SMAD2: variants seen among roughly 807,000 people sequenced by gnomAD.
SMAD2 encodes MAD homolog 2.
A neutral mutation model predicts 64.4 loss-of-function variants in SMAD2; 8 were observed. The ratio of observed to expected loss-of-function variants is 0.12; its 90% CI spans 0.07 to 0.22. The LOEUF is 0.22. Among genes scored for constraint, SMAD2 ranks in the 10% least tolerant of loss-of-function variants. SMAD2 has a pLI of 1.00. For synonymous variants in SMAD2, 203 were observed against 195.8 expected (o/e 1.04, Z -0.31); for missense variants, 289 against 561.2 (o/e 0.51, Z 4.90).
chr18:47,905,650 A>G (rs1468810792), intron 1 of SMAD2, among the ~76,000 whole-genome samples: 2 of 152,230 alleles, frequency 1.3e-5, no homozygotes, highest in Non-Finnish European at 2.9e-5. Flanking sequence ...TTTTCCAGTA[A>G]GGCCCAAGGT....
intron 10 of SMAD2, among the ~76,000 whole-genome samples, chr18:47,844,362 A>G (rs964514943): frequency 6.6e-6 from 1 of 152,210 alleles, no homozygotes; most frequent in African/African-American, 2.4e-5. Context: ...TATTACATGA[A>G]TATTTCTTAA....
chr18:47,823,855 A>C lies in SMAD2; in HGVS notation c.*17972T>G, dbSNP rs1355558449. 6.6e-6 allele frequency: 1 copy of C among 152,116 alleles called. No homozygotes were observed. Among genetic ancestry groups the C allele is most frequent in the Non-Finnish European group, 1.5e-5 (1 of 68,020 alleles). 9.4% of individuals were successfully genotyped at this position (152,116 alleles called of 1,614,324 possible). ...AAACTTTGTATCTGTTATTTGCCAAATTTTCTGCAGAAAGAAGTACAATTC... is the reference window on the plus strand; with the variant it reads ...AAACTTTGTATCTGTTATTTGCCAACTTTTCTGCAGAAAGAAGTACAATTC... On this transcript the variant is annotated 3_prime_UTR_variant, in exon 11 of 11. Transcript: ENST00000262160.
intron 6 of SMAD2, among the ~76,000 whole-genome samples, chr18:47,851,776 A>G (rs991976146): frequency 1.3e-5 from 2 of 152,122 alleles, no homozygotes; most frequent in African/African-American, 4.8e-5. Flanking sequence ...TAACATCGCG[A>G]TCCCACATTG....
At chr18:47,887,568 A>G (rs2032976508) in intron 2 of SMAD2, among the ~76,000 whole-genome samples, 1 of 152,120 alleles carries the variant, frequency 6.6e-6, no homozygotes. Context: ...TGGCCTCTTG[A>G]TCCTTTCAAG....
chr18:47,902,576 T>C (rs1045549171), intron 1 of SMAD2, among the ~76,000 whole-genome samples: 6 of 152,152 alleles, frequency 3.9e-5, no homozygotes, highest in Non-Finnish European at 7.4e-5. Flanking sequence ...AAATCAACCA[T>C]TATGAAACAA....
At chr18:47,921,348 C>A (rs964938844) in intron 1 of SMAD2, among the ~76,000 whole-genome samples, 7 of 152,182 alleles carry the variant, frequency 4.6e-5, no homozygotes, top group African/African-American at 1.7e-4. Context: ...GAACACCACA[C>A]AAAAACCTAG....
Position 47,835,339 on chromosome 18 carries a change from A to C in SMAD2, c.*6488T>G, listed in dbSNP as rs184844500. On this transcript the variant is annotated 3_prime_UTR_variant, in exon 11 of 11. Transcript: ENST00000262160. ...TGAATTATTTCTCACAATTTTAATT[A>C]ATCTGTGTGTATATTAGTTATATAA... 172 of 204,330 alleles carry C rather than the reference A, an allele frequency of 8.4e-4. No homozygotes were observed. The highest frequency in any genetic ancestry group is 3.7e-3 in the African/African-American group (162 of 43,832). 12.7% of individuals were successfully genotyped at this position (204,330 alleles called of 1,614,324 possible).
intron 2 of SMAD2, among the ~76,000 whole-genome samples, chr18:47,885,160 C>T (rs1043797490): frequency 4.1e-5 from 6 of 147,338 alleles, no homozygotes; most frequent in African/African-American, 1.0e-4. Context: ...CACACACACA[C>T]ACACACACAC....
chr18:47,845,874 G>A, intron 8 of SMAD2, 74 bp from the exon 9 acceptor site: 1 of 1,363,314 alleles, frequency 7.3e-7, no homozygotes, highest in African/African-American at 1.4e-5. Context: ...CATTTTCTTG[G>A]AAAAATTCTA....
chr18:47,883,120 A>T (rs1286105145), intron 2 of SMAD2, among the ~76,000 whole-genome samples: 1 of 152,040 alleles, frequency 6.6e-6, no homozygotes, highest in Non-Finnish European at 1.5e-5. Context: ...TTATCTTTTT[A>T]GGTAACTTTC....
rs1287108606 is a variant in SMAD2 at position 47,809,985 on chromosome 18, G to C, written c.*31842C>G. On this transcript the variant is annotated 3_prime_UTR_variant, in exon 11 of 11. Coordinates refer to ENST00000262160, the MANE Select transcript of SMAD2 (RefSeq NM_005901.6). ...CCCATTTGCCAAAAGCCATCCCAAA[G>C]AGGGCTGATATCGTCTGTTAAATGC... 6.6e-6 allele frequency: 1 copy of C among 152,178 alleles called. No homozygotes were observed. Among genetic ancestry groups the C allele is most frequent in the East Asian group, 1.9e-4 (1 of 5,182 alleles). 9.4% of individuals were successfully genotyped at this position (152,178 alleles called of 1,614,324 possible).
At chr18:47,903,876 T>TGTG (rs1187503991) in intron 1 of SMAD2, among the ~76,000 whole-genome samples, 769 of 49,022 alleles carry the variant, frequency 0.016, 31 homozygotes, top group African/African-American at 0.042. Flanking sequence ...AAAAACAGTG[T>TGTG]GGGGGGGGGG....
At chr18:47,872,989 G>A (rs1598810735) in intron 2 of SMAD2, among the ~76,000 whole-genome samples, 1 of 151,650 alleles carries the variant, frequency 6.6e-6, no homozygotes, top group East Asian at 2.0e-4. Context: ...AGCCTCCTGA[G>A]TAGCTGGGAC....
At position 47,836,124 on chromosome 18, in the gene SMAD2, T is replaced by C. The variant is rs908868657; in HGVS notation, c.*5703A>G. 1 of 218,002 alleles carries C rather than the reference T, an allele frequency of 4.6e-6. No homozygotes were observed. Among genetic ancestry groups the C allele is most frequent in the Non-Finnish European group, 9.2e-6 (1 of 108,580 alleles). The allele number at this position is 218,002 out of a possible 1,614,324, so 13.5% of individuals were successfully genotyped here. A position where few individuals can be genotyped will look rare whatever the true frequency, so the allele number is the denominator to read the frequency against. On this transcript the variant is annotated 3_prime_UTR_variant, in exon 11 of 11. Transcript: ENST00000262160. ...TGTGGGTCAAGGATGGCCCAGAGAA[T>C]CTTGGAAAATCCATTTATATTGAGC...
chr18:47,834,045 T>C lies in SMAD2; in HGVS notation c.*7782A>G, dbSNP rs1913174200. The C allele has an allele frequency of 4.5e-6, 1 of 219,798 alleles. No individual in the cohort carries two copies. 13.6% of individuals were successfully genotyped at this position (219,798 alleles called of 1,614,324 possible). On this transcript the variant is annotated 3_prime_UTR_variant, in exon 11 of 11. Transcript: ENST00000262160. The stretch of plus-strand genomic sequence containing the variant: ...AGTGTGAGTCTCACCACCATACTGG[T>C]ACCTTCAGCTATTACCTGTGTTATA...
chr18:47,930,062 T>C (rs976400227), intron 1 of SMAD2, among the ~76,000 whole-genome samples: 2 of 151,976 alleles, frequency 1.3e-5, no homozygotes, highest in South Asian at 2.1e-4. Context: ...ACAAGAGCTC[T>C]GGCCCTTCGG....
intron 3 of SMAD2, among the ~76,000 whole-genome samples, chr18:47,869,689 T>A (rs1446590160): frequency 6.6e-6 from 1 of 152,128 alleles, no homozygotes. Flanking sequence ...GCTAACAACT[T>A]GGGAAAAACT....
rs1027526309 is a variant in SMAD2, at chr18:47,814,051, C to T, written c.*27776G>A. 27 of 152,028 alleles carry T rather than the reference C, an allele frequency of 1.8e-4. No individual in the cohort carries two copies. Among genetic ancestry groups the T allele is most frequent in the African/African-American group, 6.5e-4 (27 of 41,362 alleles). The allele number at this position is 152,028 out of a possible 1,614,324, so 9.4% of individuals were successfully genotyped here. ...AATAAAGAGTTTTATATCAGGGCATCAAGAGAAGGATATTCAAGGTACTTA... is the reference window on the plus strand; with the variant it reads ...AATAAAGAGTTTTATATCAGGGCATTAAGAGAAGGATATTCAAGGTACTTA... On this transcript the variant is annotated 3_prime_UTR_variant, in exon 11 of 11. Coordinates refer to ENST00000262160, the MANE Select transcript of SMAD2 (RefSeq NM_005901.6).
intron 2 of SMAD2, among the ~76,000 whole-genome samples, chr18:47,873,019 G>A (rs956825154): frequency 1.2e-4 from 18 of 152,196 alleles, no homozygotes; most frequent in African/African-American, 4.1e-4. Context: ...GTGTCACCAC[G>A]ATTGGCTAAT....
Sources: gnomAD v4.1 joint callset for allele counts (sites outside exome capture counted in the v4.1 genomes callset) on GRCh38, gnomAD v4.1.1 for gene constraint, MANE v1.5 for transcripts, NCBI Gene and HGNC (gene_info 2026-07-23, HGNC 2026-07-21) for gene names.